STX7: variants seen among roughly 807,000 people sequenced by gnomAD.
The protein encoded by STX7 is syntaxin 7, also known as syntaxin-7.
A neutral mutation model predicts 39.6 loss-of-function variants in STX7; 34 were observed. That is an observed-to-expected ratio of 0.86 (90% CI 0.65 to 1.14). The LOEUF (loss-of-function observed/expected upper bound fraction) is 1.14, where lower values mean the gene tolerates loss of function less well. STX7 is among the 50% of genes most tolerant of loss of function. The pLI, the probability that STX7 is intolerant of heterozygous loss-of-function variation, is 0.00. For missense variants in STX7, 284 were observed against 310.4 expected, an observed-to-expected ratio of 0.92 and a Z score of 0.64; for synonymous variants, 119 against 99.1, an observed-to-expected ratio of 1.20 and a Z score of -1.19.
intron 1 of STX7, among the ~76,000 whole-genome samples, chr6:132,505,594 G>A (rs1012768611): frequency 6.6e-6 from 1 of 152,058 alleles, no homozygotes; most frequent in African/African-American, 2.4e-5. Flanking sequence ...GACCACTACA[G>A]TGGGGAGACA....
At chr6:132,489,158 G>GC (rs1775214116) in intron 2 of STX7, among the ~76,000 whole-genome samples, 1 of 141,916 alleles carries the variant, frequency 7.0e-6, no homozygotes, top group Non-Finnish European at 1.5e-5. Context: ...CCAAGATTGT[G>GC]CCACTGCACT....
Position 132,460,986 on chromosome 6 carries a change from CTG to C in STX7, c.694-138_694-137del, listed in dbSNP as rs542319427. On this transcript the variant is annotated intron_variant, in intron 9 of 9. Coordinates refer to ENST00000367941, the MANE Select transcript of STX7 (RefSeq NM_003569.3). Reference sequence around the variant, plus strand: ...TAGTATATTGCCCTCAAATTTTTGACTGTGTTTTTTTGTTCCTCAAAAATCTC... The same window carrying C: ...TAGTATATTGCCCTCAAATTTTTGACTGTTTTTTTGTTCCTCAAAAATCTC... 579 of 666,426 alleles carry C rather than the reference CTG, an allele frequency of 8.7e-4. 3 individuals carry two copies. In the African/African-American group the frequency reaches 0.01, roughly 12 times the overall value. The allele number at this position is 666,426 out of a possible 1,614,324, so 41.3% of individuals were successfully genotyped here. A position where few individuals can be genotyped will look rare whatever the true frequency, so the allele number is the denominator to read the frequency against.
intron 2 of STX7, among the ~76,000 whole-genome samples, chr6:132,498,594 T>C (rs377374255): frequency 1.3e-5 from 2 of 152,242 alleles, no homozygotes; most frequent in South Asian, 4.1e-4. Flanking sequence ...TCTCTTTAGG[T>C]TTCTTTTGTA....
intron 2 of STX7, among the ~76,000 whole-genome samples, chr6:132,500,646 T>C (rs1042897395): frequency 3.9e-5 from 6 of 152,228 alleles, no homozygotes; most frequent in African/African-American, 1.4e-4. Context: ...ACCTTATAGA[T>C]TGTTTACTGC....
At chr6:132,467,313 C>T (rs922239316) in intron 8 of STX7, among the ~76,000 whole-genome samples, 1 of 152,154 alleles carries the variant, frequency 6.6e-6, no homozygotes, top group African/African-American at 2.4e-5. Context: ...CTCTTACTTG[C>T]TCCCTTAAAT....
chr6:132,471,150 AAGCCTC>A (rs1774708947), intron 5 of STX7, among the ~76,000 whole-genome samples: 1 of 152,214 alleles, frequency 6.6e-6, no homozygotes, highest in Non-Finnish European at 1.5e-5. Context: ...CACAAGCAGA[AAGCCTC>A]AGTACCAAGA....
chr6:132,468,062 T>C (rs763198473), intron 8 of STX7, among the ~76,000 whole-genome samples: 1 of 152,156 alleles, frequency 6.6e-6, no homozygotes, highest in Non-Finnish European at 1.5e-5. Context: ...GTGCTTAGCA[T>C]GATGACAAAT....
chr6:132,471,427 C>T (rs373461109), intron 5 of STX7, 36 bp downstream of exon 5: 1 of 1,593,060 alleles, frequency 6.3e-7, no homozygotes, highest in African/African-American at 1.4e-5. Context: ...AGCAAGTAAC[C>T]ATGTTCATTT....
chr6:132,511,876 A>G (rs7757421), intron 1 of STX7, among the ~76,000 whole-genome samples: 12,244 of 152,258 alleles, frequency 0.08, 654 homozygotes, highest in East Asian at 0.16. Context: ...TAACCAAAAT[A>G]AGGATTGATT....
chr6:132,491,057 G>A (rs1031149115), intron 2 of STX7, among the ~76,000 whole-genome samples: 1 of 148,416 alleles, frequency 6.7e-6, no homozygotes, highest in Non-Finnish European at 1.5e-5. Context: ...AGAGAAATGG[G>A]CACTTCCCTC....
intron 2 of STX7, among the ~76,000 whole-genome samples, chr6:132,482,114 G>T (rs567939136): frequency 2.0e-5 from 3 of 152,242 alleles, no homozygotes; most frequent in African/African-American, 7.2e-5. Context: ...ATACTGGGAA[G>T]ATCAAAACGT....
At chr6:132,513,367 C>T (rs187116921), upstream of STX7, among the ~76,000 whole-genome samples, 60 of 152,344 alleles carry the variant, frequency 3.9e-4, no homozygotes, top group African/African-American at 1.4e-3. Flanking sequence ...CCTTCTTGCA[C>T]GCGGGTCTTC....
intron 2 of STX7, among the ~76,000 whole-genome samples, chr6:132,494,240 AAAGT>A (rs141742668): frequency 0.03 from 4,511 of 152,292 alleles, 216 homozygotes; most frequent in African/African-American, 0.1. Context: ...AGAGAAAAAA[AAAGT>A]AAGCACCAAA....
intron 9 of STX7, among the ~76,000 whole-genome samples, chr6:132,462,275 G>C (rs1222132079): frequency 6.6e-6 from 1 of 152,170 alleles, no homozygotes; most frequent in Admixed American, 6.5e-5. Context: ...CTTCCAAACA[G>C]AACTATTGGA....
At chr6:132,505,568 T>C (rs887595992) in intron 1 of STX7, among the ~76,000 whole-genome samples, 3 of 152,014 alleles carry the variant, frequency 2.0e-5, no homozygotes, top group South Asian at 2.1e-4. Flanking sequence ...AATTCAAACC[T>C]AAAGTCAGAC....
chr6:132,486,323 A>G (rs1181420403), intron 2 of STX7, among the ~76,000 whole-genome samples: 1 of 152,194 alleles, frequency 6.6e-6, no homozygotes, highest in Non-Finnish European at 1.5e-5. Flanking sequence ...TTTCACCATT[A>G]AGTGTGACAC....
intron 1 of STX7, among the ~76,000 whole-genome samples, chr6:132,506,325 G>A (rs1322608464): frequency 6.6e-6 from 1 of 151,902 alleles, no homozygotes; most frequent in East Asian, 1.9e-4. Flanking sequence ...CTGCAGAATG[G>A]GAGAAAAATA....
chr6:132,487,264 T>C (rs1775159751), intron 2 of STX7, among the ~76,000 whole-genome samples: 1 of 152,142 alleles, frequency 6.6e-6, no homozygotes, highest in African/African-American at 2.4e-5. Flanking sequence ...TTTATTGTCA[T>C]AAAGTTGTTT....
chr6:132,462,472 C>T, intron 9 of STX7, among the ~76,000 whole-genome samples: 1 of 152,000 alleles, frequency 6.6e-6, no homozygotes. Flanking sequence ...CACATTTCCC[C>T]CAAATCCAAA....
Sources: allele counts gnomAD v4.1 joint callset (sites outside exome capture counted in the v4.1 genomes callset), GRCh38; gene constraint gnomAD v4.1.1; transcripts MANE v1.5; gene names NCBI Gene and HGNC (gene_info 2026-07-23, HGNC 2026-07-21).